Variants in C5 observed in about 807,000 individuals in gnomAD.
C5 encodes the protein C3 and PZP-like alpha-2-macroglobulin domain-containing protein 4.
In C5, 140 loss-of-function variants were observed where a neutral mutation model predicts 218.8. That is an observed-to-expected ratio of 0.64 (90% CI 0.56 to 0.74). C5 has a LOEUF of 0.74. Among genes scored for constraint, C5 ranks in the 30% least tolerant of loss-of-function variants. The pLI, the probability that C5 is intolerant of heterozygous loss-of-function variation, is 0.00. For synonymous variants in C5, 614 were observed against 682.3 expected (o/e 0.90, Z 1.56); for missense variants, 1,700 against 1,969.6 (o/e 0.86, Z 2.59).
At chr9:121,066,390 A>G in the C5 span, among the ~76,000 whole-genome samples, 1 of 151,848 alleles carries the variant, frequency 6.6e-6, no homozygotes, top group African/African-American at 2.4e-5. Flanking sequence ...AAAGAAAACC[A>G]TATGTCAGGC....
At chr9:121,074,350 G>C in the C5 span, among the ~76,000 whole-genome samples, 1 of 152,208 alleles carries the variant, frequency 6.6e-6, no homozygotes. Flanking sequence ...CTGTGCAAGT[G>C]CTTCTTGCTT....
At chr9:120,975,018 G>A in intron 29 of C5, 87 bp from the exon 30 acceptor site, 5 of 1,457,518 alleles carry the variant, frequency 3.4e-6, no homozygotes, top group Non-Finnish European at 4.8e-6. Context: ...AGAGGGTAGG[G>A]CAGCATTGTC....
upstream of C5, among the ~76,000 whole-genome samples, chr9:121,052,706 C>T (rs2047678753): frequency 6.6e-6 from 1 of 152,078 alleles, no homozygotes; most frequent in Non-Finnish European, 1.5e-5. Context: ...CTCAACATTC[C>T]ATTCTTCACT....
chr9:121,069,151 A>G, the C5 span, among the ~76,000 whole-genome samples: 3 of 152,218 alleles, frequency 2.0e-5, no homozygotes, highest in African/African-American at 7.2e-5. Context: ...AACATATGGG[A>G]TTATATCAAA....
chr9:121,002,244 GTATATATA>G (rs1200226286), intron 20 of C5, among the ~76,000 whole-genome samples: 1 of 45,130 alleles, frequency 2.2e-5, no homozygotes, highest in East Asian at 1.2e-3. Context: ...ATATGTATAT[GTATATATA>G]TGTATATATG....
upstream of C5, among the ~76,000 whole-genome samples, chr9:121,054,309 C>G (rs1226466778): frequency 6.6e-6 from 1 of 152,128 alleles, no homozygotes; most frequent in Non-Finnish European, 1.5e-5. Context: ...TAAAAGTTAA[C>G]CTGGTATAGT....
the C5 span, among the ~76,000 whole-genome samples, chr9:121,057,806 G>A: frequency 2.0e-5 from 3 of 152,078 alleles, no homozygotes; most frequent in Admixed American, 2.0e-4. Context: ...GAGTGTAAAT[G>A]GACTAGAATC....
At chr9:120,960,597 C>T (rs1192668898) in intron 37 of C5, among the ~76,000 whole-genome samples, 1 of 152,238 alleles carries the variant, frequency 6.6e-6, no homozygotes, top group Non-Finnish European at 1.5e-5. Context: ...AGCACACAGC[C>T]CAGGGCAGCT....
intron 22 of C5, among the ~76,000 whole-genome samples, chr9:120,992,267 T>A (rs761382507): frequency 1.3e-5 from 2 of 152,266 alleles, no homozygotes; most frequent in Non-Finnish European, 2.9e-5. Flanking sequence ...TAATCCTTGA[T>A]AAATGCAGAG....
the C5 span, among the ~76,000 whole-genome samples, chr9:121,060,457 A>G: frequency 3.3e-5 from 5 of 152,058 alleles, 1 homozygote; most frequent in Admixed American, 3.3e-4. Context: ...TCACATAAAC[A>G]TTTATGGAGT....
At chr9:120,994,761 C>A (rs1045663829) in intron 22 of C5, among the ~76,000 whole-genome samples, 3 of 151,890 alleles carry the variant, frequency 2.0e-5, no homozygotes, top group Non-Finnish European at 4.4e-5. Flanking sequence ...TGGAAAGAGG[C>A]ACAGATTTTT....
rs1424279150 is a variant in C5, at chr9:120,971,995, G to A, written c.4018-3C>T. On this transcript the variant is annotated splice_region_variant and splice_polypyrimidine_tract_variant and intron_variant, in intron 30 of 40. Coordinates refer to ENST00000223642, the MANE Select transcript of C5 (RefSeq NM_001735.3). ...ATGAGGTCATCATTGAGAAGCACCTGGAAAGATAATAGAGAAACAAACCAT... is the reference window on the plus strand; with the variant it reads ...ATGAGGTCATCATTGAGAAGCACCTAGAAAGATAATAGAGAAACAAACCAT... 1.9e-6 allele frequency: 3 copies of A among 1,606,036 alleles called. No homozygotes were observed. The highest frequency in any genetic ancestry group is 4.5e-5 in the East Asian group (2 of 44,746).
rs774245401 is a variant in C5, at chr9:120,980,171, A to C, written c.3570T>G (p.Ile1190Met). Reference sequence around the variant, plus strand: ...CTCCCAGGGAAAGAGCATACGCAGAAATGGCCAATGTAAAGGTGCTCTGGG... The same window carrying C: ...CTCCCAGGGAAAGAGCATACGCAGACATGGCCAATGTAAAGGTGCTCTGGG... Reference protein sequence around the residue: ...LPAQSTFTLAISAYALSLGDK... With the variant: ...LPAQSTFTLAMSAYALSLGDK... The change falls in exon 28 of 41, where the codon ATT (isoleucine) becomes ATG (methionine). Residue 1190 changes from isoleucine to methionine, a missense_variant. Transcript: ENST00000223642. 4.3e-6 allele frequency: 7 copies of C among 1,614,130 alleles called. No individual in the cohort carries two copies. Among genetic ancestry groups the C allele is most frequent in the Non-Finnish European group, 5.1e-6 (6 of 1,179,990 alleles).
Position 121,043,091 on chromosome 9 carries a change from A to C in C5, c.334T>G (p.Ser112Ala), listed in dbSNP as rs2047595090. 1.2e-6 allele frequency: 2 copies of C among 1,613,172 alleles called. No individual in the cohort carries two copies. Among genetic ancestry groups the C allele is most frequent in the Middle Eastern group, 3.3e-4 (2 of 6,050 alleles). Residue 112 changes from serine (S) to alanine (A), a missense_variant, in exon 3 of 41, where the codon TCA (serine) becomes GCA (alanine). Physicochemically the swap from Ser to Ala is moderately conservative, Grantham distance 99 (BLOSUM62 1). Coordinates refer to ENST00000223642, the MANE Select transcript of C5 (RefSeq NM_001735.3). ...GTTATTGGCATTCTTTTTGATTTTG[A>C]AAAATGCTTTGATACAACTTCCAAA... The part of the protein sequence containing the change: ...VYLEVVSKHF[S>A]KSKRMPITYD...
intron 33 of C5, among the ~76,000 whole-genome samples, chr9:120,964,600 T>C (rs2046852703): frequency 6.6e-6 from 1 of 152,240 alleles, no homozygotes; most frequent in South Asian, 2.1e-4. Context: ...CTACTTTATA[T>C]AGAAAATGTT....
the C5 span, among the ~76,000 whole-genome samples, chr9:121,067,875 A>C: frequency 6.6e-6 from 1 of 152,140 alleles, no homozygotes; most frequent in Non-Finnish European, 1.5e-5. Context: ...CTCCCCAGCC[A>C]TGTGAAACTG....
Position 121,034,847 on chromosome 9 carries a change from A to C in C5, c.540T>G (p.Ile180Met). The C allele has an allele frequency of 6.3e-7, 1 of 1,596,660 alleles. No homozygotes were observed. Reference protein sequence around the residue: ...EVDMVEEIDHIGIISFPDFKI... With the variant: ...EVDMVEEIDHMGIISFPDFKI... The stretch of plus-strand genomic sequence containing the variant: ...TGAAGTCAGGAAAAGAGATAATTCC[A>C]ATATGATCAATTTCTTCTACCATGT... Residue 180 changes from isoleucine to methionine, a missense_variant, in exon 5 of 41, where the codon ATT becomes ATG. Transcript: ENST00000223642.
Position 121,020,066 on chromosome 9 carries a change from G to A in C5, c.1416C>T (p.Asn472=). The A allele has an allele frequency of 6.2e-7, 1 of 1,613,160 alleles. No individual in the cohort carries two copies. Among genetic ancestry groups the A allele is most frequent in the South Asian group, 1.1e-5 (1 of 91,054 alleles). Reference sequence around the variant, plus strand: ...GTTCTCCCACTAGCAAAGCCTTATGGTTATCAGTCCAATCAATATAAAGGT... The same window carrying A: ...GTTCTCCCACTAGCAAAGCCTTATGATTATCAGTCCAATCAATATAAAGGT... ...QSYLYIDWTD[N]HKALLVGEHL... The change falls in exon 12 of 41, where the codon AAC becomes AAT. Residue 472 remains asparagine, a synonymous_variant. Transcript: ENST00000223642.
chr9:120,996,369 T>C, intron 21 of C5, 69 bp from the exon 22 acceptor site: 3 of 1,334,928 alleles, frequency 2.2e-6, no homozygotes, highest in Non-Finnish European at 3.2e-6. Flanking sequence ...CTGGATCAAC[T>C]TTTCTGGACC....
Sources: gnomAD v4.1 joint callset for allele counts (sites outside exome capture counted in the v4.1 genomes callset) on GRCh38, gnomAD v4.1.1 for gene constraint, MANE v1.5 for transcripts, NCBI Gene and HGNC (gene_info 2026-07-23, HGNC 2026-07-21) for gene names.